Variants in CYFIP1 observed in about 807,000 individuals in gnomAD.
CYFIP1 encodes cytoplasmic FMR1-interacting protein 1.
In CYFIP1, 58 loss-of-function variants were observed where a neutral mutation model predicts 163.5. That is an observed-to-expected ratio of 0.35 (90% confidence interval 0.29 to 0.44). The LOEUF is 0.44. CYFIP1 is among the 20% of genes least tolerant of loss of function. The probability of loss-of-function intolerance (pLI) is 1.00; values close to 1 mark genes in which losing one functional copy is unlikely to be tolerated. For synonymous variants in CYFIP1, 663 were observed against 660.7 expected, an observed-to-expected ratio of 1.00 and a Z score of -0.05; for missense variants, 1,338 against 1,653.8, an observed-to-expected ratio of 0.81 and a Z score of 3.31.
chr15:22,883,816 CAAAAA>C (rs34623284), intron 23 of CYFIP1, among the ~76,000 whole-genome samples: 1 of 74,914 alleles, frequency 1.3e-5, no homozygotes, highest in African/African-American at 4.7e-5. Context: ...GACTTCATCT[CAAAAA>C]AAAAAAAAAA....
Position 22,874,588 on chromosome 15 carries a change from G to A in CYFIP1, c.3172C>T (p.His1058Tyr), listed in dbSNP as rs751270069. The stretch of plus-strand genomic sequence containing the variant: ...AGTCTTTCAATCAGTGGGACAAGAT[G>A]CAGCGGGGCGTACTTTGATTCTAGT... Reference protein sequence around the residue: ...KRLESKYAPLHLVPLIERLGT... With the variant: ...KRLESKYAPLYLVPLIERLGT... The change falls in exon 28 of 31, where the codon CAT becomes TAT. Residue 1058 changes from histidine to tyrosine, a missense_variant. This residue lies in a region of CYFIP1 where 306 missense variants were observed against 322.1 expected (regional missense o/e 0.95). Coordinates refer to ENST00000617928, the MANE Select transcript of CYFIP1 (RefSeq NM_014608.6). 6.2e-7 allele frequency: 1 copy of A among 1,607,570 alleles called. No homozygotes were observed. Among genetic ancestry groups the A allele is most frequent in the South Asian group, 1.1e-5 (1 of 89,920 alleles).
At chr15:22,911,544 G>T (rs1265817421) in intron 18 of CYFIP1, among the ~76,000 whole-genome samples, 1 of 152,160 alleles carries the variant, frequency 6.6e-6, no homozygotes, top group East Asian at 1.9e-4. Context: ...CTTGCAGATG[G>T]GATTCGCACT....
At position 22,912,175 on chromosome 15, in the gene CYFIP1, T is replaced by G; in HGVS notation, c.2082+4A>C. On this transcript the variant is annotated splice_donor_region_variant and intron_variant, in intron 18 of 30. Coordinates refer to ENST00000617928, the MANE Select transcript of CYFIP1 (RefSeq NM_014608.6). ...GAACAGAAATGGAGCTGCAGGGGCC[T>G]CACCTCGGCCTCAATTTCGTCGTAC... 6.2e-7 allele frequency: 1 copy of G among 1,611,746 alleles called. No homozygotes were observed. Among genetic ancestry groups the G allele is most frequent in the Non-Finnish European group, 8.5e-7 (1 of 1,178,406 alleles).
At chr15:22,976,425 GGATTACAGGCGTGAGCAACCAC>G in intron 1 of CYFIP1, among the ~76,000 whole-genome samples, 1 of 152,116 alleles carries the variant, frequency 6.6e-6, no homozygotes, top group Non-Finnish European at 1.5e-5. Flanking sequence ...CAAAGTGCTG[GGATTACAGGCGTGAGCAACCAC>G]GCCCAGCCAA....
rs2059173064 is a variant in CYFIP1 at position 22,867,364 on chromosome 15, A to C, written c.*2664T>G. Reference sequence around the variant, plus strand: ...TTATTAAGGGAAAACTAAGTTACTGAATGAAGGAACCTCTTTCTTACAAAA... The same window carrying C: ...TTATTAAGGGAAAACTAAGTTACTGCATGAAGGAACCTCTTTCTTACAAAA... On this transcript the variant is annotated 3_prime_UTR_variant, in exon 31 of 31. Coordinates refer to ENST00000617928, the MANE Select transcript of CYFIP1 (RefSeq NM_014608.6). 1 of 393,636 alleles carries C rather than the reference A, an allele frequency of 2.5e-6. No individual in the cohort carries two copies. Among genetic ancestry groups the C allele is most frequent in the Non-Finnish European group, 4.5e-6 (1 of 223,636 alleles). 24.4% of individuals were successfully genotyped at this position (393,636 alleles called of 1,614,324 possible).
At chr15:22,924,241 T>C (rs1595614040) in intron 13 of CYFIP1, among the ~76,000 whole-genome samples, 1 of 152,056 alleles carries the variant, frequency 6.6e-6, no homozygotes, top group Non-Finnish European at 1.5e-5. Flanking sequence ...CCGGCCAACA[T>C]GGTGAAACCT....
intron 9 of CYFIP1, 65 bp from the exon 10 acceptor site, chr15:22,933,958 A>T (rs1195843575): frequency 9.5e-6 from 11 of 1,161,602 alleles, no homozygotes; most frequent in Admixed American, 4.2e-5. Flanking sequence ...CATAAGCACA[A>T]GGAAACTGAC....
At chr15:22,934,576 CA>C (rs143329339) in intron 9 of CYFIP1, among the ~76,000 whole-genome samples, 61,405 of 138,286 alleles carry the variant, frequency 0.44, 14,083 homozygotes, top group Middle Eastern at 0.61. Context: ...TGGGTCACTG[CA>C]ACCTCTACCT....
Position 22,893,955 on chromosome 15 carries a change from C to T in CYFIP1, c.2589-978G>A, listed in dbSNP as rs190871257. 2.0e-3 allele frequency among the ~76,000 whole-genome samples: 312 copies of T among 152,282 alleles called. 3 individuals are homozygous for T. Among genetic ancestry groups the T allele is most frequent in the African/African-American group, 7.0e-3 (292 of 41,544 alleles). On this transcript the variant is annotated intron_variant, in intron 22 of 30. Transcript: ENST00000617928. ...TGTCCCTGCGCCTGTGTTCTTAACA[C>T]CCGTTCCAGGAAGTACATTCCATCA... is the stretch of plus-strand genomic sequence containing the variant.
At chr15:22,938,580 G>A (rs1374498216) in intron 8 of CYFIP1, among the ~76,000 whole-genome samples, 1 of 151,916 alleles carries the variant, frequency 6.6e-6, no homozygotes, top group African/African-American at 2.4e-5. Context: ...ACTGGAGCCT[G>A]GGTGAAAGAG....
intron 20 of CYFIP1, among the ~76,000 whole-genome samples, chr15:22,909,857 T>G (rs1237902694): frequency 6.6e-6 from 1 of 152,218 alleles, no homozygotes; most frequent in African/African-American, 2.4e-5. Flanking sequence ...CTGTATATCT[T>G]TAAATTCTTC....
rs139890110 is a variant in CYFIP1, at chr15:22,937,246, G to A, written c.796-38C>T. On this transcript the variant is annotated intron_variant, in intron 8 of 30. Coordinates refer to ENST00000617928, the MANE Select transcript of CYFIP1 (RefSeq NM_014608.6). ...AAAATGAATGATGCGACAAAGCTCAGAACTGAGAATTTCACTACCCATAAG... is the reference window on the plus strand; with the variant it reads ...AAAATGAATGATGCGACAAAGCTCAAAACTGAGAATTTCACTACCCATAAG... The A allele has an allele frequency of 6.6e-5, 86 of 1,299,874 alleles. 1 individual carries two copies. In the East Asian group the frequency reaches 1.8e-3, roughly 28 times the overall value. 80.5% of individuals were successfully genotyped at this position (1,299,874 alleles called of 1,614,324 possible). A position where few individuals can be genotyped will look rare whatever the true frequency, so the allele number is the denominator to read the frequency against.
At chr15:22,965,410 G>C (rs1252235192) in intron 1 of CYFIP1, among the ~76,000 whole-genome samples, 1 of 152,228 alleles carries the variant, frequency 6.6e-6, no homozygotes. Flanking sequence ...GGTGAGCTGA[G>C]ATGGTGTCAC....
At position 22,903,851 on chromosome 15, in the gene CYFIP1, A is replaced by C. The variant is rs202081216; in HGVS notation, c.2443T>G (p.Tyr815Asp). 3.8e-5 allele frequency: 61 copies of C among 1,614,158 alleles called. No homozygotes were observed. In the African/African-American group the frequency reaches 7.7e-4, roughly 20 times the overall value. ...GCGTCGAAGCCGTCCAGCGTCAGGTACCGGCTCAGCAGCTTGTGGGTCATG... is the reference window on the plus strand; with the variant it reads ...GCGTCGAAGCCGTCCAGCGTCAGGTCCCGGCTCAGCAGCTTGTGGGTCATG... ...NRMTHKLLSR[Y>D]LTLDGFDAMF... The change falls in exon 22 of 31, where the codon TAC becomes GAC. Residue 815 changes from tyrosine to aspartate, a missense_variant. Around this residue, in one of 4 missense-constraint regions of CYFIP1, gnomAD observed 824 missense variants for 995.7 expected, o/e 0.83. Coordinates refer to ENST00000617928, the MANE Select transcript of CYFIP1 (RefSeq NM_014608.6).
At chr15:22,949,835 G>A (rs916535623) in intron 1 of CYFIP1, among the ~76,000 whole-genome samples, 2 of 151,768 alleles carry the variant, frequency 1.3e-5, no homozygotes, top group East Asian at 3.9e-4. Flanking sequence ...GAAATCCTTA[G>A]AGCAACCACC....
intron 3 of CYFIP1, among the ~76,000 whole-genome samples, chr15:22,945,827 C>T (rs79814843): frequency 0.24 from 35,806 of 151,826 alleles, 4,811 homozygotes; most frequent in Middle Eastern, 0.34. Flanking sequence ...AGGTGATCCG[C>T]CCACTTTGGC....
chr15:22,905,790 C>T (rs150989879), intron 21 of CYFIP1, among the ~76,000 whole-genome samples: 1,969 of 150,240 alleles, frequency 0.013, 51 homozygotes, highest in African/African-American at 0.046. Flanking sequence ...GACGGAGTCT[C>T]GCTCTGTCAC....
intron 1 of CYFIP1, chr15:22,951,626 T>C: frequency 2.6e-6 from 3 of 1,157,368 alleles, no homozygotes; most frequent in South Asian, 1.3e-5. Context: ...TGTCCAGTCA[T>C]GCCCGGGCCC....
rs2059337392 is a variant in CYFIP1, at chr15:22,868,876, A to ACTT, written c.*1149_*1151dup. 1 of 152,188 alleles carries ACTT rather than the reference A, an allele frequency of 6.6e-6. No homozygotes were observed. Among genetic ancestry groups the ACTT allele is most frequent in the Admixed American group, 6.5e-5 (1 of 15,286 alleles). 9.4% of individuals were successfully genotyped at this position (152,188 alleles called of 1,614,324 possible). A position where few individuals can be genotyped will look rare whatever the true frequency, so the allele number is the denominator to read the frequency against. On this transcript the variant is annotated 3_prime_UTR_variant, in exon 31 of 31. Transcript: ENST00000617928. The stretch of plus-strand genomic sequence containing the variant: ...AAGTGAGTTCAGTTAATCATGCTGG[A>ACTT]CTTGTGTTTATCTGTAGTATTCATC...
Sources: gnomAD v4.1 joint callset for allele counts (sites outside exome capture counted in the v4.1 genomes callset) on GRCh38, gnomAD v4.1.1 for gene constraint, gnomAD v4.1.1 regional missense constraint, MANE v1.5 for transcripts, NCBI Gene and HGNC (gene_info 2026-07-23, HGNC 2026-07-21) for gene names.